NR1H4: variants seen among roughly 807,000 people sequenced by gnomAD.
The protein encoded by NR1H4 is bile acid receptor.
A neutral mutation model predicts 58.5 loss-of-function variants in NR1H4; 23 were observed. The ratio of observed to expected loss-of-function variants is 0.39; its 90% confidence interval spans 0.28 to 0.56. NR1H4 has a LOEUF of 0.56. Among genes scored for constraint, NR1H4 ranks in the 20% least tolerant of loss-of-function variants. The probability of loss-of-function intolerance (pLI) is 0.58; values close to 1 mark genes in which losing one functional copy is unlikely to be tolerated. For missense variants in NR1H4, 487 were observed against 576.9 expected, an observed-to-expected ratio of 0.84 and a Z score of 1.60; for synonymous variants, 214 against 198.0, an observed-to-expected ratio of 1.08 and a Z score of -0.68.
chr12:100,523,652 C>A (rs1260722414), intron 4 of NR1H4, among the ~76,000 whole-genome samples: 1 of 152,096 alleles, frequency 6.6e-6, no homozygotes, highest in Non-Finnish European at 1.5e-5. Context: ...GCTCAGTAAT[C>A]ATTAGATGTG....
At chr12:100,561,167 C>A (rs556243057) in intron 9 of NR1H4, among the ~76,000 whole-genome samples, 1 of 152,046 alleles carries the variant, frequency 6.6e-6, no homozygotes. Context: ...GAGGCCGAGG[C>A]GGGCGGATCA....
At chr12:100,541,496 G>T (rs1387114707) in intron 9 of NR1H4, among the ~76,000 whole-genome samples, 1 of 151,736 alleles carries the variant, frequency 6.6e-6, no homozygotes, top group African/African-American at 2.4e-5. Context: ...TTCCCGAGCT[G>T]GTCTCAAACT....
intron 1 of NR1H4, among the ~76,000 whole-genome samples, chr12:100,476,810 T>C (rs1953280656): frequency 6.6e-6 from 1 of 152,124 alleles, no homozygotes; most frequent in African/African-American, 2.4e-5. Flanking sequence ...TTGCTTGAGC[T>C]CAGGAGTTCA....
chr12:100,474,429 A>C lies in NR1H4; in HGVS notation c.-190+370A>C, dbSNP rs916867064. Among the ~76,000 whole-genome samples the C allele has an allele frequency of 5.9e-5, 9 of 152,310 alleles. 1 individual carries two copies. In the South Asian group the frequency reaches 1.9e-3, roughly 32 times the overall value. The stretch of plus-strand genomic sequence containing the variant: ...TATTTTGGTGATTTATCAAATCTTG[A>C]TGTGAGTTTGGGAGTATTGCTAATG... On this transcript the variant is annotated intron_variant, in intron 1 of 10. Transcript: ENST00000392986.
chr12:100,474,420 C>T (rs1953224930), intron 1 of NR1H4, among the ~76,000 whole-genome samples: 1 of 152,110 alleles, frequency 6.6e-6, no homozygotes, highest in Admixed American at 6.5e-5. Flanking sequence ...GGTGATTTAT[C>T]AAATCTTGAT....
chr12:100,543,450 C>A (rs750665841), intron 9 of NR1H4, among the ~76,000 whole-genome samples: 4 of 152,000 alleles, frequency 2.6e-5, no homozygotes, highest in Non-Finnish European at 5.9e-5. Flanking sequence ...CGCTTGCTGC[C>A]AGGAGAAATG....
At chr12:100,476,858 G>C (rs1239858587) in intron 1 of NR1H4, among the ~76,000 whole-genome samples, 3 of 152,030 alleles carry the variant, frequency 2.0e-5, no homozygotes, top group African/African-American at 7.2e-5. Flanking sequence ...CTATACTCTA[G>C]CCTGGGTAAC....
intron 5 of NR1H4, among the ~76,000 whole-genome samples, chr12:100,533,970 C>A (rs966833999): frequency 7.3e-5 from 11 of 151,376 alleles, no homozygotes; most frequent in Admixed American, 5.9e-4. Context: ...AATCTCGGCT[C>A]ACTGCAAGCT....
rs1478733532 is a variant in NR1H4 at position 100,489,546 on chromosome 12, A to T, written c.-189-2957A>T. Among the ~76,000 whole-genome samples the T allele has an allele frequency of 2.0e-5, 3 of 152,222 alleles. No individual in the cohort carries two copies. In the East Asian group the frequency reaches 5.8e-4, roughly 29 times the overall value. On this transcript the variant is annotated intron_variant, in intron 1 of 10. Transcript: ENST00000392986. ...AAAATATTCTTCTTTTGTTTTTTTT[A>T]ACCATCTGAAAATGTAAAACCATTC... is the stretch of plus-strand genomic sequence containing the variant.
chr12:100,542,543 T>C (rs901410004), intron 9 of NR1H4, among the ~76,000 whole-genome samples: 6 of 152,176 alleles, frequency 3.9e-5, no homozygotes, highest in Non-Finnish European at 8.8e-5. Context: ...TGAGTTCTTA[T>C]TTTCCCGAGA....
At chr12:100,495,081 C>T (rs898335543) in intron 3 of NR1H4, among the ~76,000 whole-genome samples, 3 of 152,112 alleles carry the variant, frequency 2.0e-5, no homozygotes, top group Non-Finnish European at 2.9e-5. Context: ...ACGAAGATGC[C>T]GTCAGGTTAG....
At chr12:100,547,425 C>A (rs1955096273) in intron 9 of NR1H4, among the ~76,000 whole-genome samples, 1 of 152,016 alleles carries the variant, frequency 6.6e-6, no homozygotes, top group Non-Finnish European at 1.5e-5. Context: ...GTGGGGAGGG[C>A]AAAGGGGAAA....
At chr12:100,529,905 A>G (rs1366950375) in intron 4 of NR1H4, among the ~76,000 whole-genome samples, 4 of 152,236 alleles carry the variant, frequency 2.6e-5, no homozygotes, top group Non-Finnish European at 4.4e-5. Flanking sequence ...ATGCAGCTCT[A>G]CATGGGTGCA....
At chr12:100,503,794 A>T (rs565424399) in intron 3 of NR1H4, among the ~76,000 whole-genome samples, 1 of 152,324 alleles carries the variant, frequency 6.6e-6, no homozygotes, top group South Asian at 2.1e-4. Flanking sequence ...ATTAATATCA[A>T]TGGACACTTG....
At chr12:100,557,609 T>C (rs35732) in intron 9 of NR1H4, among the ~76,000 whole-genome samples, 89,027 of 152,096 alleles carry the variant, frequency 0.59, 26,338 homozygotes, top group Non-Finnish European at 0.65. Flanking sequence ...CCCACCCTCC[T>C]GCCTTTTGGA....
intron 10 of NR1H4, among the ~76,000 whole-genome samples, chr12:100,562,608 T>G (rs1955501358): frequency 6.6e-6 from 1 of 152,222 alleles, no homozygotes; most frequent in Admixed American, 6.5e-5. Context: ...ATACAATCAT[T>G]TACTTAATCT....
chr12:100,547,980 A>T (rs1955115508), intron 9 of NR1H4, among the ~76,000 whole-genome samples: 1 of 150,020 alleles, frequency 6.7e-6, no homozygotes, highest in Non-Finnish European at 1.5e-5. Flanking sequence ...TTGGCCTCCC[A>T]AAGTGCTGGG....
intron 9 of NR1H4, among the ~76,000 whole-genome samples, chr12:100,548,601 C>T (rs769407427): frequency 1.1e-4 from 17 of 152,036 alleles, no homozygotes; most frequent in African/African-American, 1.7e-4. Flanking sequence ...GGCAACTATC[C>T]GGTAGCAATG....
At chr12:100,484,214 G>T (rs1953443030) in intron 1 of NR1H4, among the ~76,000 whole-genome samples, 1 of 152,166 alleles carries the variant, frequency 6.6e-6, no homozygotes, top group Non-Finnish European at 1.5e-5. Context: ...TAGTGAACTA[G>T]TGCATGTAAT....
Sources: allele counts gnomAD v4.1 joint callset (sites outside exome capture counted in the v4.1 genomes callset), GRCh38; gene constraint gnomAD v4.1.1; transcripts MANE v1.5; gene names NCBI Gene and HGNC (gene_info 2026-07-23, HGNC 2026-07-21).